Variants in SULT6B1 observed in about 807,000 individuals in gnomAD.
The protein encoded by SULT6B1 is sulfotransferase 6B1.
SULT6B1 carries 44 observed loss-of-function variants against 37.2 expected under a neutral mutation model. The ratio of observed to expected loss-of-function variants is 1.18; its 90% CI spans 0.93 to 1.52. SULT6B1 has a LOEUF of 1.52. Among genes scored for constraint, SULT6B1 ranks in the 40% most tolerant of loss-of-function variants. The probability of loss-of-function intolerance (pLI) is 0.00; values close to 1 mark genes in which losing one functional copy is unlikely to be tolerated. For missense variants in SULT6B1, 450 were observed against 361.0 expected (o/e 1.25, Z -2.00); for synonymous variants, 140 against 126.0 (o/e 1.11, Z -0.74).
intron 1 of SULT6B1, chr2:37,194,366 C>T (rs1676848328): frequency 2.8e-6 from 1 of 350,956 alleles, no homozygotes; most frequent in Non-Finnish European, 5.4e-6. Flanking sequence ...AGGCATGAGC[C>T]ACCGTGCCTG....
intron 2 of SULT6B1, among the ~76,000 whole-genome samples, 156 bp downstream of exon 2, chr2:37,187,199 A>G (rs1331533910): frequency 6.6e-6 from 1 of 152,230 alleles, no homozygotes; most frequent in Admixed American, 6.5e-5. Context: ...AGAAAATGAG[A>G]TGATACCTGA....
At chr2:37,168,151 T>C in intron 6 of SULT6B1, 86 bp from the exon 7 acceptor site, 1 of 1,324,176 alleles carries the variant, frequency 7.6e-7, no homozygotes, top group Non-Finnish European at 1.0e-6. Flanking sequence ...TATTTCACTC[T>C]GATATGTTAA....
Position 37,171,471 on chromosome 2 carries a change from G to A in SULT6B1, c.744C>T (p.Asp248=), listed in dbSNP as rs1676296490. 1.2e-6 allele frequency: 2 copies of A among 1,614,022 alleles called. No homozygotes were observed. Among genetic ancestry groups the A allele is most frequent in the Admixed American group, 1.7e-5 (1 of 59,990 alleles). ...GGAATGGGCCGACAGCACCGTGTGT[G>A]TCCTGAGACTTCGCACGCATGGCTT... The part of the protein sequence containing the change: ...TFQAMRAKSQ[D]THGAVGPFLF... Residue 248 remains aspartate, a synonymous_variant, in exon 6 of 7, where the codon GAC becomes GAT. Transcript: ENST00000535679.
At chr2:37,185,586 C>T (rs184051203) in intron 2 of SULT6B1, among the ~76,000 whole-genome samples, 1 of 151,856 alleles carries the variant, frequency 6.6e-6, no homozygotes, top group African/African-American at 2.4e-5. Flanking sequence ...GGCATGATGG[C>T]GCACACCTAT....
chr2:37,185,924 T>A (rs1222957179), intron 2 of SULT6B1, among the ~76,000 whole-genome samples: 1 of 152,136 alleles, frequency 6.6e-6, no homozygotes, highest in Non-Finnish European at 1.5e-5. Context: ...TTCCTGGGCC[T>A]GTCTCAGCTG....
intron 4 of SULT6B1, among the ~76,000 whole-genome samples, chr2:37,177,426 A>G (rs1676454853): frequency 6.8e-6 from 1 of 146,818 alleles, no homozygotes; most frequent in Non-Finnish European, 1.5e-5. Flanking sequence ...AAAAAAAAAA[A>G]AAAAAAAGAA....
upstream of SULT6B1, among the ~76,000 whole-genome samples, chr2:37,190,626 G>T (rs992332873): frequency 6.6e-6 from 1 of 152,296 alleles, no homozygotes; most frequent in Middle Eastern, 3.4e-3. Context: ...GGAAAAGCAG[G>T]TTTTAATCGG....
At chr2:37,179,394 T>G (rs1676500836) in intron 4 of SULT6B1, 64 bp downstream of exon 4, 5 of 1,593,584 alleles carry the variant, frequency 3.1e-6, no homozygotes, top group Non-Finnish European at 8.5e-7. Context: ...AAAACACATT[T>G]GGGTTTTCAC....
chr2:37,191,944 T>G (rs78355010), upstream of SULT6B1, among the ~76,000 whole-genome samples: 3,618 of 152,222 alleles, frequency 0.024, 148 homozygotes, highest in African/African-American at 0.082. Flanking sequence ...GTTCCCCTCA[T>G]GCAGACACCA....
intron 5 of SULT6B1, among the ~76,000 whole-genome samples, chr2:37,172,905 T>G (rs1384065532): frequency 6.7e-6 from 1 of 149,154 alleles, no homozygotes; most frequent in Non-Finnish European, 1.5e-5. Flanking sequence ...CACGCTGGAG[T>G]GCAATGGCAC....
chr2:37,181,849 T>C (rs1179180507), intron 3 of SULT6B1, among the ~76,000 whole-genome samples: 2 of 152,206 alleles, frequency 1.3e-5, no homozygotes, highest in South Asian at 2.1e-4. Context: ...CGTGTTAAAA[T>C]GGTATTTCAG....
upstream of SULT6B1, among the ~76,000 whole-genome samples, chr2:37,192,997 G>C (rs772022591): frequency 1.7e-4 from 26 of 152,280 alleles, no homozygotes; most frequent in South Asian, 4.1e-4. Flanking sequence ...TGTTTGAACT[G>C]TCATACGTAT....
intron 4 of SULT6B1, among the ~76,000 whole-genome samples, chr2:37,178,108 C>T (rs192365859): frequency 3.4e-4 from 51 of 152,078 alleles, no homozygotes; most frequent in African/African-American, 1.2e-3. Context: ...GCAATGGTGC[C>T]ATATCTGCTC....
chr2:37,186,422 T>A (rs1276073757), intron 2 of SULT6B1, among the ~76,000 whole-genome samples: 1 of 151,940 alleles, frequency 6.6e-6, no homozygotes, highest in South Asian at 2.1e-4. Context: ...GGGCAGGGAG[T>A]AGAACATCCT....
chr2:37,182,496 A>G (rs1352935227), intron 3 of SULT6B1, among the ~76,000 whole-genome samples: 1 of 151,776 alleles, frequency 6.6e-6, no homozygotes, highest in Non-Finnish European at 1.5e-5. Context: ...TTTTGCACCA[A>G]CCTAATATTT....
intron 4 of SULT6B1, among the ~76,000 whole-genome samples, chr2:37,175,567 AG>A (rs2148288359): frequency 6.6e-6 from 1 of 152,348 alleles, no homozygotes; most frequent in South Asian, 2.1e-4. Flanking sequence ...AGACAATGCC[AG>A]AAAGAAATGA....
chr2:37,177,430 AAAAG>A (rs1296530082), intron 4 of SULT6B1, among the ~76,000 whole-genome samples: 3 of 145,052 alleles, frequency 2.1e-5, no homozygotes, highest in Non-Finnish European at 3.0e-5. Flanking sequence ...AAAAAAAAAA[AAAAG>A]AAAGAAAGAA....
At chr2:37,179,266 G>T (rs956371545) in intron 4 of SULT6B1, among the ~76,000 whole-genome samples, 192 bp downstream of exon 4, 1 of 152,092 alleles carries the variant, frequency 6.6e-6, no homozygotes, top group African/African-American at 2.4e-5. Context: ...CCCCAAATTC[G>T]TTTTTAAAAC....
chr2:37,170,737 CAAA>C (rs10617061), intron 6 of SULT6B1, among the ~76,000 whole-genome samples: 27,976 of 94,330 alleles, frequency 0.3, 3,239 homozygotes, highest in Middle Eastern at 0.41. Context: ...GATTCTGTCT[CAAA>C]AAAAAAAAAA....
Sources: allele counts gnomAD v4.1 joint callset (sites outside exome capture counted in the v4.1 genomes callset), GRCh38; gene constraint gnomAD v4.1.1; transcripts MANE v1.5; gene names NCBI Gene and HGNC (gene_info 2026-07-23, HGNC 2026-07-21).